Variants in TEX36 observed in about 807,000 individuals in gnomAD.
The protein encoded by TEX36 is testis expressed 36.
TEX36 carries 12 observed loss-of-function variants against 13.6 expected under a neutral mutation model. The ratio of observed to expected loss-of-function variants is 0.88; its 90% CI spans 0.56 to 1.43. TEX36 has a LOEUF of 1.43. TEX36 is among the 40% of genes most tolerant of loss of function. TEX36 has a pLI of 0.00. For missense variants in TEX36, 224 were observed against 228.3 expected (o/e 0.98, Z 0.12); for synonymous variants, 93 against 83.0 (o/e 1.12, Z -0.65).
rs551782250 is a variant in TEX36, at chr10:125,641,763, A to T, written c.264+19258T>A. On this transcript the variant is annotated intron_variant, in intron 3 of 3. Coordinates refer to the TEX36 transcript ENST00000526819. ...CTGACATTGTGCCAAGTTATTAAAG[A>T]CTTTTGTTTTTGTAAAGTGGGTTGT... 2.6e-5 allele frequency among the ~76,000 whole-genome samples: 4 copies of T among 152,274 alleles called. 1 individual carries two copies. Among genetic ancestry groups the T allele is most frequent in the African/African-American group, 9.6e-5 (4 of 41,546 alleles).
At chr10:125,650,554 T>C (rs1462594294) in intron 3 of TEX36, among the ~76,000 whole-genome samples, 5 of 152,218 alleles carry the variant, frequency 3.3e-5, no homozygotes, top group African/African-American at 4.8e-5. Context: ...AGGAAAGATC[T>C]AAAATCGATA....
At chr10:125,671,637 T>C (rs933944182) in intron 1 of TEX36, among the ~76,000 whole-genome samples, 3 of 152,222 alleles carry the variant, frequency 2.0e-5, no homozygotes, top group Non-Finnish European at 2.9e-5. Flanking sequence ...AGAATGATGC[T>C]GGCCTCATAA....
Position 125,655,922 on chromosome 10 carries a change from AC to A in TEX36, c.538del (p.Val180LeufsTer27), listed in dbSNP as rs757622226. ...PKVRFTVDKK[V>X]VSSLES ...GGATTAGGACTCCAGTGAAGAAACA[AC>A]CTTTTTGTCAACAGTGAACCTTACT... is the stretch of plus-strand genomic sequence containing the variant. On this transcript the variant is annotated frameshift_variant, in exon 4 of 4. Transcript: ENST00000368821. LOFTEE classifies it high-confidence loss of function. The A allele has an allele frequency of 4.6e-6, 7 of 1,530,486 alleles. No homozygotes were observed. Among genetic ancestry groups the A allele is most frequent in the African/African-American group, 1.4e-5 (1 of 71,988 alleles). 94.8% of individuals were successfully genotyped at this position (1,530,486 alleles called of 1,614,324 possible). A position where few individuals can be genotyped will look rare whatever the true frequency, so the allele number is the denominator to read the frequency against.
intron 3 of TEX36, among the ~76,000 whole-genome samples, chr10:125,586,626 C>A (rs1845952869): frequency 5.9e-5 from 2 of 33,986 alleles, no homozygotes; most frequent in Admixed American, 5.0e-4. Context: ...TCCGTCTCTA[C>A]TAAAAATCCA....
At chr10:125,602,441 C>T (rs1376339631) in intron 3 of TEX36, among the ~76,000 whole-genome samples, 1 of 152,234 alleles carries the variant, frequency 6.6e-6, no homozygotes, top group African/African-American at 2.4e-5. Context: ...TCAAGCCCCA[C>T]TGGGCACCTT....
intron 3 of TEX36, among the ~76,000 whole-genome samples, chr10:125,592,320 A>G (rs1846031231): frequency 6.6e-6 from 1 of 152,246 alleles, no homozygotes; most frequent in Admixed American, 6.5e-5. Flanking sequence ...CACCAGCCAC[A>G]GTCTGTCTTT....
At chr10:125,632,164 T>C (rs559185905) in intron 3 of TEX36, among the ~76,000 whole-genome samples, 29 of 152,102 alleles carry the variant, frequency 1.9e-4, no homozygotes, top group African/African-American at 5.1e-4. Context: ...ACTACATAGA[T>C]GGCAGTGTCT....
rs1846935403 is a variant in TEX36, at chr10:125,656,042, A to C, written c.419T>G (p.Phe140Cys). 1 of 1,551,894 alleles carries C rather than the reference A, an allele frequency of 6.4e-7. No individual in the cohort carries two copies. The highest frequency in any genetic ancestry group is 8.7e-7 in the Non-Finnish European group (1 of 1,147,074). Residue 140 changes from phenylalanine to cysteine, a missense_variant, in exon 4 of 4, where the codon TTC becomes TGC. Transcript: ENST00000368821. The stretch of plus-strand genomic sequence containing the variant: ...TTTATAGCATCGTGGAAAGCGTCTG[A>C]AGCTTGAGACCACCATGGCTTCTTT... ...VYKEAMVVSS[F>C]RRFPRCYKEI...
chr10:125,682,757 A>G (rs530810427), intron 1 of TEX36, among the ~76,000 whole-genome samples, 182 bp downstream of exon 1: 1 of 152,368 alleles, frequency 6.6e-6, no homozygotes, highest in African/African-American at 2.4e-5. Context: ...TATTTCATTC[A>G]ATCTTTGCAA....
intron 3 of TEX36, among the ~76,000 whole-genome samples, chr10:125,605,493 G>A (rs535757256): frequency 2.6e-4 from 39 of 152,074 alleles, no homozygotes; most frequent in African/African-American, 9.2e-4. Flanking sequence ...ACACAGCATA[G>A]CACAGCAATG....
At chr10:125,654,305 A>G (rs934193296), downstream of TEX36, among the ~76,000 whole-genome samples, 5 of 152,230 alleles carry the variant, frequency 3.3e-5, no homozygotes, top group East Asian at 9.6e-4. Context: ...CAATTAAAAC[A>G]TTCAAAATAG....
chr10:125,634,019 C>CA (rs367563477), intron 3 of TEX36, among the ~76,000 whole-genome samples: 21 of 151,062 alleles, frequency 1.4e-4, no homozygotes, highest in Non-Finnish European at 1.9e-4. Context: ...TGGATTAAAA[C>CA]AAAAAAAAAC....
At chr10:125,603,839 T>G (rs776664518) in intron 3 of TEX36, among the ~76,000 whole-genome samples, 1 of 150,740 alleles carries the variant, frequency 6.6e-6, no homozygotes, top group African/African-American at 2.4e-5. Context: ...CCCTCTAGAG[T>G]GCAAAGTGCC....
At chr10:125,587,325 G>GA (rs1171520123) in intron 3 of TEX36, among the ~76,000 whole-genome samples, 3 of 151,932 alleles carry the variant, frequency 2.0e-5, no homozygotes, top group Admixed American at 1.3e-4. Flanking sequence ...CCCATCTGGG[G>GA]AAAAAAGCGT....
At chr10:125,591,018 T>A (rs12781789) in intron 3 of TEX36, among the ~76,000 whole-genome samples, 1 of 151,886 alleles carries the variant, frequency 6.6e-6, no homozygotes, top group Non-Finnish European at 1.5e-5. Context: ...CAACGGGCCC[T>A]GCCTGCACTG....
At chr10:125,588,592 GGTTT>G (rs59372231) in intron 3 of TEX36, among the ~76,000 whole-genome samples, 22,309 of 147,372 alleles carry the variant, frequency 0.15, 1,790 homozygotes, top group African/African-American at 0.2. Flanking sequence ...CCAGGCTCTT[GGTTT>G]GTTTGTTTGT....
At chr10:125,578,920 A>G (rs1014101254) in intron 3 of TEX36, among the ~76,000 whole-genome samples, 1 of 152,000 alleles carries the variant, frequency 6.6e-6, no homozygotes, top group Non-Finnish European at 1.5e-5. Flanking sequence ...CTTTCCCCAC[A>G]TGCTGTGCCC....
At chr10:125,596,142 G>A (rs1257657462) in intron 3 of TEX36, among the ~76,000 whole-genome samples, 3 of 152,178 alleles carry the variant, frequency 2.0e-5, no homozygotes, top group Admixed American at 6.5e-5. Context: ...TAACTGTGGT[G>A]GGCTGAACAA....
At chr10:125,678,532 G>A (rs1847344872) in intron 1 of TEX36, among the ~76,000 whole-genome samples, 1 of 152,172 alleles carries the variant, frequency 6.6e-6, no homozygotes, top group Admixed American at 6.5e-5. Flanking sequence ...TACTAGTAGT[G>A]GCAGCAATGA....
Sources: allele counts gnomAD v4.1 joint callset (sites outside exome capture counted in the v4.1 genomes callset), GRCh38; gene constraint gnomAD v4.1.1; transcripts MANE v1.5; gene names NCBI Gene and HGNC (gene_info 2026-07-23, HGNC 2026-07-21).